Variants in NOL4 observed in about 807,000 individuals in gnomAD.
NOL4 encodes the protein cancer/testis antigen 125.
A neutral mutation model predicts 75.9 loss-of-function variants in NOL4; 17 were observed. That is an observed-to-expected ratio of 0.22 (90% CI 0.15 to 0.34). NOL4 has a LOEUF of 0.34. NOL4 is among the 10% of genes least tolerant of loss of function. The probability of loss-of-function intolerance (pLI) is 1.00; values close to 1 mark genes in which losing one functional copy is unlikely to be tolerated. For missense variants in NOL4, 614 were observed against 793.5 expected, an observed-to-expected ratio of 0.77 and a Z score of 2.72; for synonymous variants, 292 against 289.9, an observed-to-expected ratio of 1.01 and a Z score of -0.07.
At chr18:34,017,709 T>A (rs919217035) in intron 6 of NOL4, among the ~76,000 whole-genome samples, 4 of 152,156 alleles carry the variant, frequency 2.6e-5, no homozygotes, top group African/African-American at 7.2e-5. Context: ...CTCAACATTG[T>A]CCATTGGAGC....
At chr18:33,980,427 GA>G (rs1327575142) in intron 6 of NOL4, among the ~76,000 whole-genome samples, 1 of 151,998 alleles carries the variant, frequency 6.6e-6, no homozygotes, top group Non-Finnish European at 1.5e-5. Flanking sequence ...AAAAGGAGGG[GA>G]AAAGTAACCA....
At chr18:34,083,701 T>G (rs914988117) in intron 5 of NOL4, among the ~76,000 whole-genome samples, 1 of 152,218 alleles carries the variant, frequency 6.6e-6, no homozygotes, top group East Asian at 1.9e-4. Flanking sequence ...TATTTATGGC[T>G]GAGAGGTCTT....
chr18:33,951,248 T>C (rs2069196885), intron 8 of NOL4, among the ~76,000 whole-genome samples: 1 of 152,182 alleles, frequency 6.6e-6, no homozygotes, highest in South Asian at 2.1e-4. Context: ...AAGTATTTCT[T>C]TCCCCCTCAC....
rs144650530 is a variant in NOL4 at position 33,966,463 on chromosome 18, A to C, written c.1057-8045T>G. ...CCTAGCCAGAGCAATCAGACAAAAG[A>C]AAGAAATAAAAGCCATCAAAATAGA... On this transcript the variant is annotated intron_variant, in intron 6 of 10. Coordinates refer to ENST00000261592, the MANE Select transcript of NOL4 (RefSeq NM_003787.5). Among the ~76,000 whole-genome samples the C allele has an allele frequency of 1.1e-4, 17 of 152,272 alleles. No homozygotes were observed. In the East Asian group the frequency reaches 2.9e-3, roughly 26 times the overall value.
intron 9 of NOL4, among the ~76,000 whole-genome samples, chr18:33,898,201 C>A (rs1183426427): frequency 2.6e-5 from 4 of 152,202 alleles, no homozygotes; most frequent in African/African-American, 7.2e-5. Context: ...ATGTGAGCCA[C>A]TGTGCCCAAC....
chr18:33,865,382 G>T (rs1183198337), intron 10 of NOL4, among the ~76,000 whole-genome samples: 1 of 151,884 alleles, frequency 6.6e-6, no homozygotes, highest in Non-Finnish European at 1.5e-5. Flanking sequence ...GTTTTCATTT[G>T]TATTATTTTT....
intron 6 of NOL4, among the ~76,000 whole-genome samples, chr18:33,992,372 G>C (rs1042698954): frequency 1.3e-5 from 2 of 151,948 alleles, no homozygotes; most frequent in African/African-American, 4.8e-5. Context: ...TGTTATGACA[G>C]CATGAAGAGC....
chr18:34,151,398 G>T (rs554511828), intron 1 of NOL4, among the ~76,000 whole-genome samples: 2 of 151,768 alleles, frequency 1.3e-5, no homozygotes, highest in Non-Finnish European at 2.9e-5. Flanking sequence ...ATCAAGCCAT[G>T]AAAATACATG....
chr18:34,142,222 A>C (rs899026277), intron 1 of NOL4, among the ~76,000 whole-genome samples: 10 of 152,122 alleles, frequency 6.6e-5, no homozygotes, highest in Non-Finnish European at 1.3e-4. Context: ...AACACTTCTA[A>C]GCTGTTGGCG....
At chr18:33,903,929 C>T (rs762106554) in intron 9 of NOL4, among the ~76,000 whole-genome samples, 2 of 152,114 alleles carry the variant, frequency 1.3e-5, no homozygotes, top group Non-Finnish European at 2.9e-5. Flanking sequence ...AAGAGATGGG[C>T]ACATGAAATT....
chr18:34,009,064 A>AT (rs199713111), intron 6 of NOL4, among the ~76,000 whole-genome samples: 2,275 of 147,030 alleles, frequency 0.015, 39 homozygotes, highest in East Asian at 0.093. Context: ...TTCAGAAAAG[A>AT]TTTTTTTTTT....
intron 2 of NOL4, among the ~76,000 whole-genome samples, chr18:34,120,113 G>T (rs2080070160): frequency 6.6e-6 from 1 of 152,126 alleles, no homozygotes; most frequent in African/African-American, 2.4e-5. Flanking sequence ...TAATATGAAT[G>T]AAAATATTGG....
intron 6 of NOL4, among the ~76,000 whole-genome samples, chr18:33,985,181 T>C: frequency 6.6e-6 from 1 of 152,166 alleles, no homozygotes; most frequent in East Asian, 1.9e-4. Flanking sequence ...AACAATTAGC[T>C]TTAAAACTTT....
At position 34,039,960 on chromosome 18, in the gene NOL4, C is replaced by G. The variant is rs77155079; in HGVS notation, c.773-20359G>C. 7.9e-3 allele frequency among the ~76,000 whole-genome samples: 1,199 copies of G among 152,060 alleles called. 19 individuals carry two copies. The highest frequency in any genetic ancestry group is 0.028 in the African/African-American group (1,159 of 41,534). ...CAGGCTTTGTGTTAGATAACTCCAT[C>G]TAACTGTAGGCTAATGTAAGTATTC... On this transcript the variant is annotated intron_variant, in intron 5 of 10. Transcript: ENST00000261592.
At chr18:33,975,399 T>C (rs945124552) in intron 6 of NOL4, among the ~76,000 whole-genome samples, 1 of 152,226 alleles carries the variant, frequency 6.6e-6, no homozygotes, top group Non-Finnish European at 1.5e-5. Flanking sequence ...AGGTAAGGAA[T>C]ATCTTCTTCT....
In NOL4 at chr18:34,019,414, T is replaced by C. The variant is rs1411173697; in HGVS notation, c.960A>G (p.Arg320=). 1 of 1,614,016 alleles carries C rather than the reference T, an allele frequency of 6.2e-7. No individual in the cohort carries two copies. The highest frequency in any genetic ancestry group is 8.5e-7 in the Non-Finnish European group (1 of 1,179,970). The change falls in exon 6 of 11, where the codon AGA becomes AGG. Residue 320 remains arginine, a synonymous_variant. Transcript: ENST00000261592. ...TCCCATTACTGTTGTGATCATCTATTCTGTATTCCGAAGTTAGCTGCGCAG... is the reference window on the plus strand; with the variant it reads ...TCCCATTACTGTTGTGATCATCTATCCTGTATTCCGAAGTTAGCTGCGCAG... ...PLSAQLTSEY[R]IDDHNSNGKN...
intron 5 of NOL4, among the ~76,000 whole-genome samples, chr18:34,059,116 GATATACATATATAT>G (rs1449967700): frequency 1.4e-4 from 11 of 80,948 alleles, no homozygotes; most frequent in Non-Finnish European, 2.2e-4. Context: ...GAGATAGATA[GATATACATATATAT>G]ATATATATAT....
intron 1 of NOL4, among the ~76,000 whole-genome samples, chr18:34,138,779 T>G (rs1201841627): frequency 6.6e-6 from 1 of 152,130 alleles, no homozygotes; most frequent in African/African-American, 2.4e-5. Flanking sequence ...ATACTTCCAG[T>G]TTTTGCCCAT....
chr18:34,000,892 A>G (rs2073649385), intron 6 of NOL4, among the ~76,000 whole-genome samples: 1 of 152,168 alleles, frequency 6.6e-6, no homozygotes, highest in African/African-American at 2.4e-5. Context: ...AGTTATTAAC[A>G]TTCAAAAACA....
Sources: allele counts gnomAD v4.1 joint callset (sites outside exome capture counted in the v4.1 genomes callset), GRCh38; gene constraint gnomAD v4.1.1; transcripts MANE v1.5; gene names NCBI Gene and HGNC (gene_info 2026-07-23, HGNC 2026-07-21).